LIMS2: variants seen among roughly 807,000 people sequenced by gnomAD.
The protein encoded by LIMS2 is LIM and senescent cell antigen-like-containing domain protein 2.
Under a neutral mutation model 45.3 loss-of-function variants are expected in LIMS2, and 30 were observed. The observed-to-expected ratio is 0.66, with a 90% confidence interval of 0.50 to 0.90. The LOEUF is 0.90. Ranked by LOEUF, LIMS2 falls within the 40% of genes least tolerant of loss-of-function variation. LIMS2 has a pLI of 0.00. For missense variants in LIMS2, 485 were observed against 468.7 expected (o/e 1.03, Z -0.32); for synonymous variants, 173 against 188.0 (o/e 0.92, Z 0.65).
In LIMS2 at chr2:127,663,352, G is replaced by A. The variant is rs530694383; in HGVS notation, c.12-5790C>T. On this transcript the variant is annotated intron_variant, in intron 1 of 9. Transcript: ENST00000355119. The stretch of plus-strand genomic sequence containing the variant: ...CCAGACCTGCCATGCCAGCACAAGC[G>A]GGAGCCCAGCATGCAGCAGGGACTC... Among the ~76,000 whole-genome samples the A allele has an allele frequency of 9.8e-5, 15 of 152,308 alleles. No homozygotes were observed. The East Asian group carries it at 1.9e-3, about 20-fold the overall frequency.
intron 1 of LIMS2, among the ~76,000 whole-genome samples, chr2:127,668,707 A>AAAAAAAAC: frequency 7.5e-6 from 1 of 132,904 alleles, no homozygotes; most frequent in Non-Finnish European, 1.6e-5. Flanking sequence ...AAAAAAAAAA[A>AAAAAAAAC]AAAACACCTT....
intron 1 of LIMS2, among the ~76,000 whole-genome samples, chr2:127,659,011 G>C (rs943485421): frequency 1.3e-5 from 2 of 152,050 alleles, no homozygotes; most frequent in African/African-American, 4.8e-5. Flanking sequence ...AGTCTGAAGA[G>C]TGTCAACCAC....
rs1197628262 is a variant in LIMS2, at chr2:127,656,400, CT to C, written c.171+1002del. On this transcript the variant is annotated intron_variant, in intron 2 of 9. Transcript: ENST00000355119. ...CCTCAGCACAGCGGCCACAAGCCTC[CT>C]TTTTTTTTTCTTTCTTTTTTTTTTT... Among the ~76,000 whole-genome samples the C allele has an allele frequency of 2.0e-4, 30 of 147,096 alleles. 1 individual carries two copies. Among genetic ancestry groups the C allele is most frequent in the African/African-American group, 4.5e-4 (18 of 40,210 alleles).
rs751444601 is a variant in LIMS2 at position 127,657,391 on chromosome 2, T to C, written c.171+12A>G. ...GAGCTGGGTCTGAGAAAGCCCTCAG[T>C]AGTGTCCTCACCTCATAGAAGAGCC... On this transcript the variant is annotated intron_variant, in intron 2 of 9. Transcript: ENST00000355119. 42 of 1,613,536 alleles carry C rather than the reference T, an allele frequency of 2.6e-5. No homozygotes were observed. The highest frequency in any genetic ancestry group is 3.3e-5 in the Non-Finnish European group (39 of 1,179,968).
At chr2:127,652,003 T>G in intron 4 of LIMS2, 2 of 552,740 alleles carry the variant, frequency 3.6e-6, no homozygotes, top group Non-Finnish European at 6.6e-6. Context: ...CGACTTCATC[T>G]GTGGCAGGGA....
rs181917706 is a variant in LIMS2 at position 127,648,170 on chromosome 2, A to C, written c.360-5098T>G. 4.5e-3 allele frequency: 4,427 copies of C among 985,434 alleles called. 21 individuals are homozygous for C. Among genetic ancestry groups the C allele is most frequent in the Admixed American group, 6.6e-3 (108 of 16,292 alleles). 61.0% of individuals were successfully genotyped at this position (985,434 alleles called of 1,614,324 possible). A position where few individuals can be genotyped will look rare whatever the true frequency, so the allele number is the denominator to read the frequency against. ...ATTCCTGGGGAATGGGGTCCCCATG[A>C]GGAACTCCACATTGGACTAAGAACA... is the stretch of plus-strand genomic sequence containing the variant. On this transcript the variant is annotated intron_variant, in intron 4 of 9. Transcript: ENST00000355119.
At position 127,650,696 on chromosome 2, in the gene LIMS2, T is replaced by C. The variant is rs376540851; in HGVS notation, c.359+3728A>G. On this transcript the variant is annotated intron_variant, in intron 4 of 9. Coordinates refer to ENST00000355119, the MANE Select transcript of LIMS2 (RefSeq NM_001161403.3). ...CCTAGATCGCAAGCTCATTGTGAAC[T>C]GTTTGCTTGTTCCCTCCAGGCTCTG... 5.0e-4 allele frequency: 780 copies of C among 1,562,702 alleles called. 1 individual carries two copies. Among genetic ancestry groups the C allele is most frequent in the Non-Finnish European group, 6.6e-4 (757 of 1,144,574 alleles).
At chr2:127,669,761 T>C (rs1057127298) in intron 1 of LIMS2, among the ~76,000 whole-genome samples, 3 of 152,074 alleles carry the variant, frequency 2.0e-5, no homozygotes, top group African/African-American at 7.2e-5. Flanking sequence ...AAGTGTCTAG[T>C]ATTCAAATAA....
chr2:127,669,224 A>G (rs1040506906), intron 1 of LIMS2, among the ~76,000 whole-genome samples: 1 of 152,262 alleles, frequency 6.6e-6, no homozygotes, highest in African/African-American at 2.4e-5. Context: ...ACATGCTAAC[A>G]GTATAAAACT....
Position 127,641,195 on chromosome 2 carries a change from C to A in LIMS2, c.661-207G>T, listed in dbSNP as rs138958499. 1.1e-5 allele frequency: 6 copies of A among 550,072 alleles called. No homozygotes were observed. In the African/African-American group the frequency reaches 1.1e-4, roughly 10 times the overall value. 34.1% of individuals were successfully genotyped at this position (550,072 alleles called of 1,614,324 possible). ...CAGGATTCACACTGGGCAGAGGGGACTGACACCTCTGTGAATGCCCTGGGG... is the reference window on the plus strand; with the variant it reads ...CAGGATTCACACTGGGCAGAGGGGAATGACACCTCTGTGAATGCCCTGGGG... On this transcript the variant is annotated intron_variant, in intron 6 of 9. Coordinates refer to ENST00000355119, the MANE Select transcript of LIMS2 (RefSeq NM_001161403.3).
rs568544202 is a variant in LIMS2, at chr2:127,642,314, G to T, written c.510-115C>A. 9.1e-5 allele frequency: 113 copies of T among 1,241,344 alleles called. 1 individual carries two copies. The East Asian group carries it at 2.9e-3, about 31-fold the overall frequency. The allele number at this position is 1,241,344 out of a possible 1,614,324, so 76.9% of individuals were successfully genotyped here. ...GAGGGGCCCATTCTGTCCCTGCAGA[G>T]CCGAGGCGGCAGCGCCTTCTGATCT... On this transcript the variant is annotated intron_variant, in intron 5 of 9. Transcript: ENST00000355119. The surrounding 1 kb of genome is among the most constrained non-coding windows in gnomAD (Gnocchi z 5.3).
At chr2:127,643,243 C>T (rs1682617526) in intron 4 of LIMS2, 171 bp from the exon 5 acceptor site, 2 of 662,200 alleles carry the variant, frequency 3.0e-6, no homozygotes, top group Non-Finnish European at 5.1e-6. Context: ...CCCAGAAGGT[C>T]ACAAGTGTGT....
At position 127,675,082 on chromosome 2, in the gene LIMS2, C is replaced by G; in HGVS notation, c.-58G>C. ...GGTTGCCGCGGGTCTCCCTCTGCTGCTGCAGCCGCCAGCCGAGCGCCCGCC... is the reference window on the plus strand; with the variant it reads ...GGTTGCCGCGGGTCTCCCTCTGCTGGTGCAGCCGCCAGCCGAGCGCCCGCC... On this transcript the variant is annotated 5_prime_UTR_variant, in exon 1 of 10. Transcript: ENST00000355119. The G allele has an allele frequency of 8.2e-7, 1 of 1,226,370 alleles. No individual in the cohort carries two copies. The highest frequency in any genetic ancestry group is 4.1e-5 in the South Asian group (1 of 24,256). 76.0% of individuals were successfully genotyped at this position (1,226,370 alleles called of 1,614,324 possible).
rs1225505276 is a variant in LIMS2, at chr2:127,671,809, T to TGCCACATCACAA, written c.11+3193_11+3204dup. Among the ~76,000 whole-genome samples the TGCCACATCACAA allele has an allele frequency of 6.6e-6, 1 of 152,204 alleles. No individual in the cohort carries two copies. The highest frequency in any genetic ancestry group is 2.4e-5 in the African/African-American group (1 of 41,458). ...CAGTCTGGGGCTCAGGGCTCAGTGGTGCCACATCACAAGCCACATCACTTG... is the reference window on the plus strand; with the variant it reads ...CAGTCTGGGGCTCAGGGCTCAGTGGTGCCACATCACAAGCCACATCACAAGCCACATCACTTG... On this transcript the variant is annotated intron_variant, in intron 1 of 9. Coordinates refer to ENST00000355119, the MANE Select transcript of LIMS2 (RefSeq NM_001161403.3). This position sits in a 1 kb window ranked among gnomAD's most constrained non-coding sequence, Gnocchi z 4.1.
chr2:127,678,982 G>GT (rs1685558943), upstream of LIMS2, among the ~76,000 whole-genome samples: 1 of 152,156 alleles, frequency 6.6e-6, no homozygotes, highest in African/African-American at 2.4e-5. The surrounding 1 kb of genome is among the most constrained non-coding windows in gnomAD (Gnocchi z 5.3). Flanking sequence ...CCCTCCAAGG[G>GT]TAAGAGGTGG....
rs1388887119 is a variant in LIMS2 at position 127,653,014 on chromosome 2, G to A, written c.359+1410C>T. 7.2e-5 allele frequency among the ~76,000 whole-genome samples: 11 copies of A among 152,176 alleles called. No homozygotes were observed. Among genetic ancestry groups the A allele is most frequent in the Admixed American group, 4.6e-4 (7 of 15,284 alleles). ...TCGCTCCACACACCCTGTCGGCGACGTTGCTGGTCAGCACGAGCTCCTGGT... is the reference window on the plus strand; with the variant it reads ...TCGCTCCACACACCCTGTCGGCGACATTGCTGGTCAGCACGAGCTCCTGGT... On this transcript the variant is annotated intron_variant, in intron 4 of 9. Transcript: ENST00000355119. The surrounding 1 kb of genome is among the most constrained non-coding windows in gnomAD (Gnocchi z 5.3).
In LIMS2 at chr2:127,675,020, G is replaced by C; in HGVS notation, c.5C>G (p.Thr2Arg). 2.4e-6 allele frequency: 3 copies of C among 1,230,072 alleles called. No homozygotes were observed. Among genetic ancestry groups the C allele is most frequent in the Non-Finnish European group, 3.0e-6 (3 of 985,644 alleles). The allele number at this position is 1,230,072 out of a possible 1,614,324, so 76.2% of individuals were successfully genotyped here. A position where few individuals can be genotyped will look rare whatever the true frequency, so the allele number is the denominator to read the frequency against. ...CGTGGGTGGGGGCCGTTACCTTCCC[G>C]TCATGGTGGCAGCGACGCCGAGCCC... M[T>R]GSNMSDALAN... Residue 2 changes from threonine (T) to arginine (R), a missense_variant, in exon 1 of 10, where the codon ACG becomes AGG. Coordinates refer to ENST00000355119, the MANE Select transcript of LIMS2 (RefSeq NM_001161403.3).
At chr2:127,673,958 G>C in intron 1 of LIMS2, 1 of 555,226 alleles carries the variant, frequency 1.8e-6, no homozygotes, top group East Asian at 3.1e-5. Context: ...GGGAAGAGAG[G>C]CTTGGGGAGA....
rs1683130234 is a variant in LIMS2, at chr2:127,647,575, A to T, written c.360-4503T>A. Among the ~76,000 whole-genome samples, 1 of 152,032 alleles carries T rather than the reference A, an allele frequency of 6.6e-6. No individual in the cohort carries two copies. The highest frequency in any genetic ancestry group is 6.5e-5 in the Admixed American group (1 of 15,280). On this transcript the variant is annotated intron_variant, in intron 4 of 9. Coordinates refer to ENST00000355119, the MANE Select transcript of LIMS2 (RefSeq NM_001161403.3). This position sits in a 1 kb window ranked among gnomAD's most constrained non-coding sequence, Gnocchi z 4.3. Reference sequence around the variant, plus strand: ...GTGGGGCACAGCACAGGCCTGAGGGACAGCCTGGGGTGGAGGGCACCCACC... The same window carrying T: ...GTGGGGCACAGCACAGGCCTGAGGGTCAGCCTGGGGTGGAGGGCACCCACC...
Sources: allele counts gnomAD v4.1 joint callset (sites outside exome capture counted in the v4.1 genomes callset), GRCh38; gene constraint gnomAD v4.1.1; non-coding constraint Gnocchi (gnomAD v3.1); transcripts MANE v1.5; gene names NCBI Gene and HGNC (gene_info 2026-07-23, HGNC 2026-07-21).